The following DIP2B variants were observed in gnomAD, a reference collection of about 807,000 sequenced individuals.
DIP2B encodes DIP2 acetate--CoA ligase B (putative), also known as disco-interacting protein 2 homolog B.
DIP2B carries 76 observed loss-of-function variants against 198.0 expected under a neutral mutation model. The ratio of observed to expected loss-of-function variants is 0.38; its 90% CI spans 0.32 to 0.46. DIP2B has a LOEUF of 0.46. Among genes scored for constraint, DIP2B ranks in the 20% least tolerant of loss-of-function variants. The pLI, the probability that DIP2B is intolerant of heterozygous loss-of-function variation, is 0.99. For synonymous variants in DIP2B, 701 were observed against 739.1 expected (o/e 0.95, Z 0.84); for missense variants, 1,559 against 1,978.4 (o/e 0.79, Z 4.02).
intron 36 of DIP2B, among the ~76,000 whole-genome samples, chr12:50,741,062 G>T (rs1156799531): frequency 6.6e-6 from 1 of 152,142 alleles, no homozygotes; most frequent in South Asian, 2.1e-4. Context: ...CAGCTGTAAG[G>T]ATCTTCAGAG....
chr12:50,657,087 A>AT (rs1593692640), intron 3 of DIP2B: 1 of 151,958 alleles, frequency 6.6e-6, no homozygotes, highest in Admixed American at 6.6e-5. Flanking sequence ...AATAAAAAAT[A>AT]TTTTTTAAAA....
At chr12:50,729,349 T>C (rs1158747050) in intron 30 of DIP2B, among the ~76,000 whole-genome samples, 1 of 152,226 alleles carries the variant, frequency 6.6e-6, no homozygotes, top group Non-Finnish European at 1.5e-5. Flanking sequence ...ATGTATGTCC[T>C]TTGGCTCGGT....
At chr12:50,739,332 T>C (rs1940197002) in intron 35 of DIP2B, 77 bp from the exon 36 acceptor site, 3 of 1,503,500 alleles carry the variant, frequency 2.0e-6, no homozygotes, top group Non-Finnish European at 2.7e-6. Context: ...ATTTAAAAAA[T>C]CAAAATAACC....
chr12:50,717,002 G>C (rs1592140681), intron 23 of DIP2B, among the ~76,000 whole-genome samples: 1 of 89,360 alleles, frequency 1.1e-5, no homozygotes, highest in Non-Finnish European at 2.1e-5. Context: ...TTGCTCTGTT[G>C]CCCAGGCTGG....
chr12:50,649,339 T>C (rs2139498043), intron 3 of DIP2B, among the ~76,000 whole-genome samples: 1 of 152,266 alleles, frequency 6.6e-6, no homozygotes, highest in South Asian at 2.1e-4. Context: ...GTTCTAGATA[T>C]TAAAACATCC....
At chr12:50,686,044 T>C in intron 11 of DIP2B, 88 bp downstream of exon 11, 1 of 1,312,326 alleles carries the variant, frequency 7.6e-7, no homozygotes, top group Non-Finnish European at 1.0e-6. Flanking sequence ...CTAGGTACTT[T>C]ACATATATGT....
intron 2 of DIP2B, among the ~76,000 whole-genome samples, chr12:50,633,857 T>TA (rs1938109180): frequency 6.6e-6 from 1 of 152,146 alleles, no homozygotes; most frequent in Non-Finnish European, 1.5e-5. Flanking sequence ...AAAATTACCC[T>TA]AAAAAATCAC....
intron 1 of DIP2B, among the ~76,000 whole-genome samples, chr12:50,617,307 T>C (rs546944647): frequency 6.6e-5 from 10 of 151,588 alleles, no homozygotes; most frequent in Admixed American, 6.6e-4. Context: ...AGGCGCCCGC[T>C]ACTACACCTG....
intron 35 of DIP2B, 24 bp downstream of exon 35, chr12:50,737,134 C>G: frequency 1.2e-6 from 2 of 1,605,110 alleles, no homozygotes; most frequent in Non-Finnish European, 8.5e-7. Context: ...TTCATTTTTA[C>G]TCTGAAAAGT....
rs373658662 is a variant in DIP2B at position 50,638,851 on chromosome 12, A to G, written c.173-1873A>G. 3.3e-5 allele frequency among the ~76,000 whole-genome samples: 4 copies of G among 121,662 alleles called. No homozygotes were observed. In the South Asian group the frequency reaches 1.2e-3, roughly 36 times the overall value. The allele number at this position is 121,662 out of a possible 152,430, so 79.8% of individuals were successfully genotyped here. A position where few individuals can be genotyped will look rare whatever the true frequency, so the allele number is the denominator to read the frequency against. ...GCCCTTATCTGAAATGCTTGGGACT[A>G]GAAGTGTTTCAGATTTTTTTTTTTT... is the stretch of plus-strand genomic sequence containing the variant. On this transcript the variant is annotated intron_variant, in intron 2 of 37. Coordinates refer to ENST00000301180, the MANE Select transcript of DIP2B (RefSeq NM_173602.3).
chr12:50,540,409 A>G (rs1958312805), intron 1 of DIP2B, among the ~76,000 whole-genome samples: 1 of 151,750 alleles, frequency 6.6e-6, no homozygotes, highest in Non-Finnish European at 1.5e-5. Flanking sequence ...GTGCCCAGCC[A>G]GCTATGAACA....
At chr12:50,558,433 A>G (rs192567910) in intron 1 of DIP2B, among the ~76,000 whole-genome samples, 184 of 152,348 alleles carry the variant, frequency 1.2e-3, no homozygotes, top group Admixed American at 9.1e-4. Flanking sequence ...AGGGAACCTT[A>G]GGAACCCTCT....
intron 7 of DIP2B, among the ~76,000 whole-genome samples, chr12:50,675,742 C>T (rs936779937): frequency 1.3e-5 from 2 of 152,040 alleles, no homozygotes; most frequent in African/African-American, 4.8e-5. Flanking sequence ...CATGATTTTA[C>T]GAGTTATTTA....
chr12:50,528,427 C>G (rs1288383581), intron 1 of DIP2B, among the ~76,000 whole-genome samples: 4 of 150,700 alleles, frequency 2.7e-5, no homozygotes, highest in Non-Finnish European at 4.4e-5. Context: ...ATAATGAGAC[C>G]TGCTTTCCAA....
At chr12:50,708,219 T>C (rs2139569848) in intron 21 of DIP2B, among the ~76,000 whole-genome samples, 1 of 152,348 alleles carries the variant, frequency 6.6e-6, no homozygotes, top group East Asian at 1.9e-4. Flanking sequence ...GACAAGAACT[T>C]TGTCTTATTT....
chr12:50,540,562 T>C (rs1958314744), intron 1 of DIP2B, among the ~76,000 whole-genome samples: 1 of 150,006 alleles, frequency 6.7e-6, no homozygotes. Context: ...TTTTTTTTTT[T>C]TGTTGAGATG....
chr12:50,568,983 A>G (rs991112369), intron 1 of DIP2B, among the ~76,000 whole-genome samples: 4 of 151,394 alleles, frequency 2.6e-5, no homozygotes, highest in Non-Finnish European at 4.4e-5. Context: ...TCTCTTCCCT[A>G]GTCGTGCTTC....
At chr12:50,727,647 T>C (rs1247865926) in intron 28 of DIP2B, 56 bp from the exon 29 acceptor site, 10 of 1,514,902 alleles carry the variant, frequency 6.6e-6, no homozygotes, top group Non-Finnish European at 8.2e-6. Flanking sequence ...AGAAGAGCAA[T>C]GATTTTCATG....
At chr12:50,597,348 G>A (rs924485282) in intron 1 of DIP2B, among the ~76,000 whole-genome samples, 1 of 152,120 alleles carries the variant, frequency 6.6e-6, no homozygotes, top group Non-Finnish European at 1.5e-5. Context: ...GAAATCTTTG[G>A]ATCTTTGTCA....
Sources: allele counts gnomAD v4.1 joint callset (sites outside exome capture counted in the v4.1 genomes callset), GRCh38; gene constraint gnomAD v4.1.1; transcripts MANE v1.5; gene names NCBI Gene and HGNC (gene_info 2026-07-23, HGNC 2026-07-21).